VPS37A: variants seen among roughly 807,000 people sequenced by gnomAD.
VPS37A encodes VPS37A subunit of ESCRT-I.
Under a neutral mutation model 49.8 loss-of-function variants are expected in VPS37A, and 30 were observed. The observed-to-expected ratio is 0.60, with a 90% confidence interval of 0.45 to 0.82. The LOEUF (loss-of-function observed/expected upper bound fraction) is 0.82. Ranked by LOEUF, VPS37A falls within the 40% of genes least tolerant of loss-of-function variation. The pLI, the probability that VPS37A is intolerant of heterozygous loss-of-function variation, is 0.00. For missense variants in VPS37A, 593 were observed against 464.4 expected (o/e 1.28, Z -2.55); for synonymous variants, 195 against 160.6 (o/e 1.21, Z -1.62).
At chr8:17,318,686 GTATT>G in the VPS37A span, among the ~76,000 whole-genome samples, 1 of 152,186 alleles carries the variant, frequency 6.6e-6, no homozygotes, top group Non-Finnish European at 1.5e-5. Flanking sequence ...TCTGCTACAG[GTATT>G]GTGCATGTTT....
the VPS37A span, chr8:17,311,671 A>T: frequency 8.1e-6 from 13 of 1,613,134 alleles, no homozygotes; most frequent in Non-Finnish European, 9.3e-6. Flanking sequence ...AGTCACAAAG[A>T]ATGGCTGTAA....
rs1377298278 is a variant in VPS37A at position 17,297,902 on chromosome 8, G to C, written c.*2916G>C. The C allele has an allele frequency of 6.6e-6, 1 of 152,000 alleles. No individual in the cohort carries two copies. Among genetic ancestry groups the C allele is most frequent in the Non-Finnish European group, 1.5e-5 (1 of 67,884 alleles). 9.4% of individuals were successfully genotyped at this position (152,000 alleles called of 1,614,324 possible). ...ATTATAATGTCTGTCTTGTAAAAAAGTTGAGGGGACTAAAAGTTTATGACT... is the reference window on the plus strand; with the variant it reads ...ATTATAATGTCTGTCTTGTAAAAAACTTGAGGGGACTAAAAGTTTATGACT... On this transcript the variant is annotated 3_prime_UTR_variant, in exon 12 of 12. Transcript: ENST00000324849.
At chr8:17,266,311 G>A (rs7013924) in intron 2 of VPS37A, among the ~76,000 whole-genome samples, 52,205 of 151,952 alleles carry the variant, frequency 0.34, 10,440 homozygotes, top group East Asian at 0.59. Context: ...ATATAAAGCC[G>A]TTAGAGATAG....
the VPS37A span, chr8:17,311,786 T>C: frequency 3.2e-6 from 4 of 1,245,714 alleles, no homozygotes; most frequent in Non-Finnish European, 4.5e-6. Flanking sequence ...CCCCCCTAAT[T>C]AGGGCAGAGC....
At chr8:17,251,762 C>T (rs1256757052) in intron 1 of VPS37A, among the ~76,000 whole-genome samples, 3 of 152,162 alleles carry the variant, frequency 2.0e-5, no homozygotes, top group Non-Finnish European at 2.9e-5. Flanking sequence ...AATAGTAGTG[C>T]CATTCTCCCT....
chr8:17,279,264 A>C (rs1814805784), intron 6 of VPS37A, among the ~76,000 whole-genome samples: 1 of 152,088 alleles, frequency 6.6e-6, no homozygotes, highest in Admixed American at 6.6e-5. Flanking sequence ...TACTGGCTAC[A>C]TTTTGGCCAA....
At chr8:17,307,436 TG>T in the VPS37A span, among the ~76,000 whole-genome samples, 1 of 152,158 alleles carries the variant, frequency 6.6e-6, no homozygotes, top group African/African-American at 2.4e-5. Context: ...ACACTGTTGG[TG>T]GGACTGTAAA....
chr8:17,299,758 C>G, downstream of VPS37A: 1 of 1,484,466 alleles, frequency 6.7e-7, no homozygotes, highest in Non-Finnish European at 9.1e-7. Context: ...AAGTAGTTCT[C>G]AATGACATGC....
intron 11 of VPS37A, among the ~76,000 whole-genome samples, chr8:17,287,983 T>C (rs551873411): frequency 2.6e-5 from 4 of 152,306 alleles, no homozygotes; most frequent in African/African-American, 9.6e-5. Context: ...GCGTTTCTCA[T>C]GTCCAGTAAA....
the VPS37A span, among the ~76,000 whole-genome samples, chr8:17,323,789 C>T: frequency 1.3e-5 from 2 of 152,150 alleles, no homozygotes; most frequent in Non-Finnish European, 2.9e-5. Flanking sequence ...GGAGAAAGCT[C>T]CTTTTATCAC....
At chr8:17,298,406 T>G (rs1816881418), downstream of VPS37A, 1 of 152,188 alleles carries the variant, frequency 6.6e-6, no homozygotes, top group South Asian at 2.1e-4. Context: ...TTCTATATTT[T>G]TAAATATGAT....
At chr8:17,286,508 C>G (rs1220952931) in intron 11 of VPS37A, 81 bp downstream of exon 11, 7 of 1,233,694 alleles carry the variant, frequency 5.7e-6, no homozygotes, top group Non-Finnish European at 8.2e-6. Flanking sequence ...GGTGCCTGTT[C>G]ATCAGCCTTA....
At chr8:17,254,046 A>G (rs994955708) in intron 1 of VPS37A, among the ~76,000 whole-genome samples, 1 of 152,042 alleles carries the variant, frequency 6.6e-6, no homozygotes, top group Admixed American at 6.6e-5. Context: ...ATTTATAGTC[A>G]TCTTGTCTTT....
chr8:17,304,768 T>TG (rs1563315402), downstream of VPS37A, among the ~76,000 whole-genome samples: 3 of 147,512 alleles, frequency 2.0e-5, no homozygotes, highest in African/African-American at 4.9e-5. Flanking sequence ...TGTGTGTGTG[T>TG]TAAGCTGTTC....
chr8:17,255,340 G>A (rs184865931), intron 1 of VPS37A, among the ~76,000 whole-genome samples: 14 of 152,166 alleles, frequency 9.2e-5, no homozygotes, highest in African/African-American at 2.9e-4. Context: ...TATTAGCCGG[G>A]CATGGTAGCA....
At chr8:17,280,563 A>G in intron 9 of VPS37A, 120 bp downstream of exon 9, 2 of 866,024 alleles carry the variant, frequency 2.3e-6, no homozygotes, top group Non-Finnish European at 1.7e-6. Context: ...ACCTTATAAG[A>G]CATGATACCT....
intron 11 of VPS37A, among the ~76,000 whole-genome samples, chr8:17,290,767 T>C (rs1292575783): frequency 1.3e-5 from 2 of 152,180 alleles, no homozygotes; most frequent in African/African-American, 2.4e-5. Context: ...CAGCTTCTCT[T>C]TGTACCTCTG....
chr8:17,305,754 TAC>T, downstream of VPS37A: 1 of 1,603,460 alleles, frequency 6.2e-7, no homozygotes, highest in Non-Finnish European at 8.5e-7. Context: ...CCAAAACACT[TAC>T]TTGAGTTCTC....
rs1025582342 is a variant in VPS37A, at chr8:17,247,122, C to G, written c.-123C>G. On this transcript the variant is annotated 5_prime_UTR_variant, in exon 1 of 12. Coordinates refer to ENST00000324849, the MANE Select transcript of VPS37A (RefSeq NM_152415.3). ...AGGACAGGCTTAGAGAAGACGCGGT[C>G]CCCAGCGCTTGGGCCACGGACGTCC... 1 of 1,327,816 alleles carries G rather than the reference C, an allele frequency of 7.5e-7. No homozygotes were observed. The highest frequency in any genetic ancestry group is 1.5e-5 in the African/African-American group (1 of 68,150). The allele number at this position is 1,327,816 out of a possible 1,614,324, so 82.3% of individuals were successfully genotyped here.
Sources: allele counts gnomAD v4.1 joint callset (sites outside exome capture counted in the v4.1 genomes callset), GRCh38; gene constraint gnomAD v4.1.1; transcripts MANE v1.5; gene names NCBI Gene and HGNC (gene_info 2026-07-23, HGNC 2026-07-21).